The following TP73 variants were observed in gnomAD, a reference collection of about 807,000 sequenced individuals.
TP73 encodes tumor protein p73, also known as p53-like transcription factor.
Under a neutral mutation model 62.5 loss-of-function variants are expected in TP73, and 25 were observed. The observed-to-expected ratio is 0.40, with a 90% CI of 0.29 to 0.56. The LOEUF (loss-of-function observed/expected upper bound fraction) is 0.56, where lower values mean the gene tolerates loss of function less well. Ranked by LOEUF, TP73 falls within the 20% of genes least tolerant of loss-of-function variation. The pLI is 0.46. For missense variants in TP73, 754 were observed against 913.3 expected (o/e 0.83, Z 2.25); for synonymous variants, 423 against 377.5 (o/e 1.12, Z -1.40).
At chr1:3,729,616 C>G in intron 10 of TP73, 168 bp downstream of exon 10, 1 of 1,309,416 alleles carries the variant, frequency 7.6e-7, no homozygotes, top group Middle Eastern at 1.8e-4. Context: ...AGGAAGCCTT[C>G]TAGCACTTGG....
At chr1:3,664,355 A>G (rs1645065914) in intron 1 of TP73, among the ~76,000 whole-genome samples, 1 of 152,050 alleles carries the variant, frequency 6.6e-6, no homozygotes, top group African/African-American at 2.4e-5. Flanking sequence ...GGGGGCTCTA[A>G]TTGCTCACCT....
chr1:3,708,020 A>T, intron 4 of TP73: 1 of 645,016 alleles, frequency 1.6e-6, no homozygotes, highest in Non-Finnish European at 2.6e-6. Context: ...CAGCCTCCAA[A>T]GGGCCACAGA....
At chr1:3,729,162 T>C (rs1570642452) in intron 9 of TP73, among the ~76,000 whole-genome samples, 165 bp from the exon 10 acceptor site, 1 of 152,008 alleles carries the variant, frequency 6.6e-6, no homozygotes. Context: ...GACCTGCTTC[T>C]TGGGAAGAGG....
chr1:3,696,150 C>T lies in TP73; in HGVS notation c.187-11399C>T, dbSNP rs1437600585. On this transcript the variant is annotated intron_variant, in intron 3 of 13. Transcript: ENST00000378295. The surrounding 1 kb of genome is among the most constrained non-coding windows in gnomAD (Gnocchi z 4.1). ...TGGTCCTGGGGCCTGAAAAGTGTGA[C>T]CACCTGGTGGCTCAGTCCTGTGTGC... Among the ~76,000 whole-genome samples, 1 of 152,126 alleles carries T rather than the reference C, an allele frequency of 6.6e-6. No individual in the cohort carries two copies. Among genetic ancestry groups the T allele is most frequent in the African/African-American group, 2.4e-5 (1 of 41,434 alleles).
chr1:3,696,877 C>T lies in TP73; in HGVS notation c.187-10672C>T, dbSNP rs540610822. ...TCACCCGCCTGCTGTGCCTAGTGCA[C>T]GCCCGCCTCCGGCCCCCCTGCCACC... On this transcript the variant is annotated intron_variant, in intron 3 of 13. Transcript: ENST00000378295. This position sits in a 1 kb window ranked among gnomAD's most constrained non-coding sequence, Gnocchi z 4.1. Among the ~76,000 whole-genome samples, 17 of 152,284 alleles carry T rather than the reference C, an allele frequency of 1.1e-4. No homozygotes were observed. Among genetic ancestry groups the T allele is most frequent in the Admixed American group, 3.3e-4 (5 of 15,306 alleles).
intron 1 of TP73, among the ~76,000 whole-genome samples, chr1:3,675,973 G>A (rs538605785): frequency 1.3e-5 from 2 of 152,244 alleles, no homozygotes; most frequent in South Asian, 4.1e-4. Flanking sequence ...GAGAGATAGG[G>A]ATGAGATGGG....
Position 3,732,734 on chromosome 1 carries a change from C to A in TP73, c.1579-13C>A, listed in dbSNP as rs115668288. 1.3e-6 allele frequency: 2 copies of A among 1,553,246 alleles called. No individual in the cohort carries two copies. Among genetic ancestry groups the A allele is most frequent in the Non-Finnish European group, 8.7e-7 (1 of 1,147,192 alleles). On this transcript the variant is annotated splice_polypyrimidine_tract_variant and intron_variant, in intron 13 of 13. Transcript: ENST00000378295. ...CCACTGCCCCCTGCCCCTAATGCGC[C>A]GGCCTCTCGCAGGACCTGGGGGCCC...
intron 3 of TP73, among the ~76,000 whole-genome samples, chr1:3,702,216 C>A (rs1177859489): frequency 6.6e-6 from 1 of 152,152 alleles, no homozygotes; most frequent in Non-Finnish European, 1.5e-5. Flanking sequence ...TGGCCTCCCC[C>A]ACACTGCTCC....
chr1:3,726,324 GATGGATGA>G, intron 6 of TP73, among the ~76,000 whole-genome samples: 1 of 118,428 alleles, frequency 8.4e-6, no homozygotes, highest in Non-Finnish European at 1.9e-5. Flanking sequence ...TGGATGGGTG[GATGGATGA>G]ATGGATGGGT....
intron 1 of TP73, among the ~76,000 whole-genome samples, chr1:3,654,033 G>A (rs1381466595): frequency 6.6e-6 from 1 of 152,080 alleles, no homozygotes; most frequent in East Asian, 1.9e-4. Context: ...AATTAGCTGG[G>A]CATGGTGGCA....
intron 1 of TP73, among the ~76,000 whole-genome samples, chr1:3,659,627 T>C (rs922183559): frequency 6.6e-6 from 1 of 152,140 alleles, no homozygotes; most frequent in Non-Finnish European, 1.5e-5. Context: ...CTGAAATATA[T>C]GTTCTTTCTA....
intron 3 of TP73, among the ~76,000 whole-genome samples, chr1:3,695,104 G>A (rs115445500): frequency 1.7e-3 from 252 of 152,356 alleles, no homozygotes; most frequent in African/African-American, 5.4e-3. Flanking sequence ...CGGCTCCCAC[G>A]GACTGGGGTT....
chr1:3,668,976 C>A (rs559169533), intron 1 of TP73, among the ~76,000 whole-genome samples: 4 of 152,340 alleles, frequency 2.6e-5, no homozygotes, highest in Admixed American at 2.0e-4. Flanking sequence ...CCCCAGGGCT[C>A]CAGGCCATGC....
At chr1:3,726,971 G>T (rs926015148) in intron 6 of TP73, 144 bp from the exon 7 acceptor site, 1 of 588,940 alleles carries the variant, frequency 1.7e-6, no homozygotes, top group Admixed American at 3.3e-5. Flanking sequence ...TGAGTGGACA[G>T]ATATACAAAT....
rs1337328978 is a variant in TP73, at chr1:3,699,051, G to C, written c.187-8498G>C. Among the ~76,000 whole-genome samples, 1 of 151,454 alleles carries C rather than the reference G, an allele frequency of 6.6e-6. No homozygotes were observed. Among genetic ancestry groups the C allele is most frequent in the Non-Finnish European group, 1.5e-5 (1 of 67,988 alleles). On this transcript the variant is annotated intron_variant, in intron 3 of 13. Coordinates refer to ENST00000378295, the MANE Select transcript of TP73 (RefSeq NM_005427.4). This position sits in a 1 kb window ranked among gnomAD's most constrained non-coding sequence, Gnocchi z 4.1. ...CGGGTGAGAGCAGAGGGTGCTGTGGGTGAGAGCACAGGGTGCTGTGGGTGA... is the reference window on the plus strand; with the variant it reads ...CGGGTGAGAGCAGAGGGTGCTGTGGCTGAGAGCACAGGGTGCTGTGGGTGA...
intron 4 of TP73, among the ~76,000 whole-genome samples, chr1:3,713,449 C>A (rs1445165618): frequency 6.6e-6 from 1 of 152,220 alleles, no homozygotes; most frequent in African/African-American, 2.4e-5. Flanking sequence ...CGCCAAGATG[C>A]GGTCGTAGGT....
Position 3,730,707 on chromosome 1 carries a change from A to C in TP73, c.1346-220A>C, listed in dbSNP as rs116743915. On this transcript the variant is annotated intron_variant, in intron 11 of 13. Coordinates refer to ENST00000378295, the MANE Select transcript of TP73 (RefSeq NM_005427.4). The stretch of plus-strand genomic sequence containing the variant: ...TTGCCCTTACAACCCAGTGCCCCGT[A>C]CGCACGGTCACCCCCGTCCCTACTA... Among the ~76,000 whole-genome samples, 105 of 152,244 alleles carry C rather than the reference A, an allele frequency of 6.9e-4. 1 individual carries two copies. The highest frequency in any genetic ancestry group is 2.2e-3 in the African/African-American group (90 of 41,556).
chr1:3,707,698 G>T lies in TP73; in HGVS notation c.336G>T (p.Ala112=). 2 of 1,613,194 alleles carry T rather than the reference G, an allele frequency of 1.2e-6. No homozygotes were observed. The highest frequency in any genetic ancestry group is 1.7e-6 in the Non-Finnish European group (2 of 1,179,962). Residue 112 remains alanine, a synonymous_variant, in exon 4 of 14, where the codon GCG becomes GCT. Coordinates refer to ENST00000378295, the MANE Select transcript of TP73 (RefSeq NM_005427.4). ...CCACCTTCGACACCATGTCGCCGGC[G>T]CCTGTCATCCCCTCCAACACCGACT... is the stretch of plus-strand genomic sequence containing the variant. ...PSSTFDTMSP[A]PVIPSNTDYP...
intron 10 of TP73, 105 bp from the exon 11 acceptor site, chr1:3,729,895 C>G: frequency 7.0e-7 from 1 of 1,422,034 alleles, no homozygotes; most frequent in Non-Finnish European, 9.4e-7. Context: ...TCTCTGACAT[C>G]AGAGGCTCCA....
Sources: gnomAD v4.1 joint callset for allele counts (sites outside exome capture counted in the v4.1 genomes callset) on GRCh38, gnomAD v4.1.1 for gene constraint, Gnocchi (gnomAD v3.1) non-coding constraint, MANE v1.5 for transcripts, NCBI Gene and HGNC (gene_info 2026-07-23, HGNC 2026-07-21) for gene names.